NCKAP5: variants seen among roughly 807,000 people sequenced by gnomAD.
The protein encoded by NCKAP5 is NCK associated protein 5.
NCKAP5 carries 92 observed loss-of-function variants against 167.0 expected under a neutral mutation model. The observed-to-expected ratio is 0.55, with a 90% CI of 0.47 to 0.66. The LOEUF (loss-of-function observed/expected upper bound fraction) is 0.66. NCKAP5 is among the 30% of genes least tolerant of loss of function. The pLI is 0.00. For missense variants in NCKAP5, 2,378 were observed against 2,315.0 expected (o/e 1.03, Z -0.56); for synonymous variants, 891 against 877.4 (o/e 1.02, Z -0.27).
chr2:133,657,809 G>T, the NCKAP5 span, among the ~76,000 whole-genome samples: 3 of 152,106 alleles, frequency 2.0e-5, no homozygotes, highest in African/African-American at 4.8e-5. Flanking sequence ...GAGGGAGAAG[G>T]TTCTCAAAAG....
chr2:132,840,984 C>T (rs929447489), intron 11 of NCKAP5, among the ~76,000 whole-genome samples: 30 of 152,050 alleles, frequency 2.0e-4, no homozygotes, highest in African/African-American at 7.2e-4. Context: ...TTCAAATAAT[C>T]CATCTCTCTT....
At chr2:133,015,409 T>C (rs570036261) in intron 6 of NCKAP5, among the ~76,000 whole-genome samples, 6 of 152,246 alleles carry the variant, frequency 3.9e-5, no homozygotes, top group African/African-American at 1.2e-4. Flanking sequence ...TTGGTCCCTA[T>C]ACTAGGAGGA....
chr2:133,294,235 T>C (rs1402786746), intron 4 of NCKAP5, among the ~76,000 whole-genome samples: 1 of 152,188 alleles, frequency 6.6e-6, no homozygotes, highest in Non-Finnish European at 1.5e-5. Flanking sequence ...TTGTTGCCAA[T>C]TAAGAGCTCC....
intron 6 of NCKAP5, among the ~76,000 whole-genome samples, chr2:133,129,557 C>T (rs1050681309): frequency 2.0e-5 from 3 of 152,188 alleles, no homozygotes; most frequent in Non-Finnish European, 4.4e-5. Flanking sequence ...AATAAACATA[C>T]GTGTGCATGT....
At position 133,135,187 on chromosome 2, in the gene NCKAP5, T is replaced by C. The variant is rs533394963; in HGVS notation, c.208-5076A>G. Among the ~76,000 whole-genome samples, 3 of 152,308 alleles carry C rather than the reference T, an allele frequency of 2.0e-5. No individual in the cohort carries two copies. The East Asian group carries it at 5.8e-4, about 29-fold the overall frequency. On this transcript the variant is annotated intron_variant, in intron 5 of 19. Coordinates refer to ENST00000409261, the MANE Select transcript of NCKAP5 (RefSeq NM_207363.3). ...AGGTGAAAGTGACGGAAACTGATTT[T>C]GTTTGGTAGGTCAGGGAAAGGCCTC...
At chr2:133,010,429 T>A (rs529115844) in intron 6 of NCKAP5, among the ~76,000 whole-genome samples, 4 of 152,292 alleles carry the variant, frequency 2.6e-5, no homozygotes, top group African/African-American at 9.6e-5. Context: ...GCTACATACA[T>A]CCTACATCTC....
At chr2:133,331,501 T>C (rs926184833) in intron 3 of NCKAP5, among the ~76,000 whole-genome samples, 6 of 152,204 alleles carry the variant, frequency 3.9e-5, no homozygotes, top group African/African-American at 1.4e-4. Flanking sequence ...CCTCTCCCGT[T>C]GTTCCCGTTA....
chr2:133,082,155 T>G (rs1425993310), intron 6 of NCKAP5, among the ~76,000 whole-genome samples: 1 of 152,086 alleles, frequency 6.6e-6, no homozygotes, highest in African/African-American at 2.4e-5. Context: ...TCTGTTCCTG[T>G]GTTAATTTGC....
At chr2:133,446,090 CA>C (rs1436326786) in intron 3 of NCKAP5, among the ~76,000 whole-genome samples, 1 of 152,030 alleles carries the variant, frequency 6.6e-6, no homozygotes, top group African/African-American at 2.4e-5. Context: ...CAAACAACTG[CA>C]GGAGAAAACT....
intron 3 of NCKAP5, among the ~76,000 whole-genome samples, chr2:133,351,982 C>T (rs560967719): frequency 2.0e-5 from 3 of 152,218 alleles, no homozygotes; most frequent in East Asian, 1.9e-4. Flanking sequence ...ATGCCATTCC[C>T]TTCCTCAAGC....
At chr2:133,599,938 C>T in the NCKAP5 span, among the ~76,000 whole-genome samples, 1 of 152,358 alleles carries the variant, frequency 6.6e-6, no homozygotes, top group East Asian at 1.9e-4. Flanking sequence ...ATCCGTCACA[C>T]ACCCTGTGGT....
intron 5 of NCKAP5, among the ~76,000 whole-genome samples, chr2:133,163,597 C>T (rs868442197): frequency 6.6e-6 from 1 of 152,124 alleles, no homozygotes; most frequent in Non-Finnish European, 1.5e-5. Flanking sequence ...CTCAAAAATG[C>T]GTAACTTCTG....
At chr2:133,113,990 A>G (rs1453936395) in intron 6 of NCKAP5, among the ~76,000 whole-genome samples, 1 of 152,186 alleles carries the variant, frequency 6.6e-6, no homozygotes, top group Non-Finnish European at 1.5e-5. Flanking sequence ...ATGAAGATAC[A>G]TTCATCAAGG....
chr2:132,746,995 C>A (rs963435495), intron 16 of NCKAP5, among the ~76,000 whole-genome samples: 1 of 151,866 alleles, frequency 6.6e-6, no homozygotes. Context: ...GTGTAAAAGG[C>A]GTGAAGGAGT....
At chr2:133,436,723 C>G (rs1218049452) in intron 3 of NCKAP5, among the ~76,000 whole-genome samples, 2 of 152,130 alleles carry the variant, frequency 1.3e-5, no homozygotes, top group Non-Finnish European at 2.9e-5. Flanking sequence ...TCTGTTCTCA[C>G]TTGCTTATGA....
rs184011384 is a variant in NCKAP5 at position 132,895,197 on chromosome 2, G to A, written c.580-16281C>T. Among the ~76,000 whole-genome samples the A allele has an allele frequency of 2.6e-5, 4 of 151,918 alleles. No individual in the cohort carries two copies. In the South Asian group the frequency reaches 8.3e-4, roughly 32 times the overall value. ...ATACAAAAAATTAGCCGGGCGTGGT[G>A]GCGGGCGCCTGTAGTCCCAGCTACT... is the stretch of plus-strand genomic sequence containing the variant. On this transcript the variant is annotated intron_variant, in intron 8 of 19. Transcript: ENST00000409261.
chr2:133,313,819 A>G (rs1408506614), intron 3 of NCKAP5, among the ~76,000 whole-genome samples: 3 of 152,152 alleles, frequency 2.0e-5, no homozygotes, highest in Admixed American at 6.5e-5. Context: ...TCTATTTTTC[A>G]TTTGATGGAG....
intron 2 of NCKAP5, among the ~76,000 whole-genome samples, chr2:133,529,584 C>A (rs1685195196): frequency 6.6e-6 from 1 of 152,096 alleles, no homozygotes; most frequent in Non-Finnish European, 1.5e-5. Context: ...AAGCATAGAT[C>A]TCAAAAGATG....
At chr2:133,649,447 G>A in the NCKAP5 span, among the ~76,000 whole-genome samples, 1 of 151,538 alleles carries the variant, frequency 6.6e-6, no homozygotes, top group African/African-American at 2.4e-5. Flanking sequence ...AAAATTGCAG[G>A]CCACTATCCT....
Sources: gnomAD v4.1 joint callset for allele counts (sites outside exome capture counted in the v4.1 genomes callset) on GRCh38, gnomAD v4.1.1 for gene constraint, MANE v1.5 for transcripts, NCBI Gene and HGNC (gene_info 2026-07-23, HGNC 2026-07-21) for gene names.